The following CSMD1 variants were observed in gnomAD, a reference collection of about 807,000 sequenced individuals.
The protein encoded by CSMD1 is CUB and sushi domain-containing protein 1.
A neutral mutation model predicts 417.5 loss-of-function variants in CSMD1; 213 were observed. That is an observed-to-expected ratio of 0.51 (90% CI 0.46 to 0.57). The LOEUF (loss-of-function observed/expected upper bound fraction) is 0.57, where lower values mean the gene tolerates loss of function less well. Among genes scored for constraint, CSMD1 ranks in the 20% least tolerant of loss-of-function variants. CSMD1 has a pLI of 0.00. For missense variants in CSMD1, 6,923 were observed against 4,529.7 expected, an observed-to-expected ratio of 1.53 and a Z score of -15.17; for synonymous variants, 2,862 against 1,736.8, an observed-to-expected ratio of 1.65 and a Z score of -16.11.
chr8:3,964,782 A>G (rs939705315), intron 5 of CSMD1, among the ~76,000 whole-genome samples: 1 of 152,214 alleles, frequency 6.6e-6, no homozygotes, highest in African/African-American at 2.4e-5. Context: ...AATGTATCCA[A>G]CAATTATTTG....
At chr8:3,984,678 A>G (rs1446117274) in intron 5 of CSMD1, among the ~76,000 whole-genome samples, 1 of 139,658 alleles carries the variant, frequency 7.2e-6, no homozygotes. Flanking sequence ...AGAATGATTT[A>G]TGGGTTCAGG....
intron 41 of CSMD1, among the ~76,000 whole-genome samples, chr8:3,138,836 A>G (rs1249051226): frequency 6.6e-6 from 1 of 152,202 alleles, no homozygotes; most frequent in Non-Finnish European, 1.5e-5. Context: ...TAGATGTTGA[A>G]CGATTTCCTG....
At chr8:4,277,220 C>G (rs943207758) in intron 3 of CSMD1, among the ~76,000 whole-genome samples, 1 of 151,742 alleles carries the variant, frequency 6.6e-6, no homozygotes, top group African/African-American at 2.4e-5. Context: ...TATATATACA[C>G]ACAGACACAT....
intron 3 of CSMD1, among the ~76,000 whole-genome samples, chr8:4,384,751 C>T (rs185178268): frequency 2.6e-5 from 4 of 152,320 alleles, no homozygotes; most frequent in African/African-American, 7.2e-5. Context: ...TGCCACTTCA[C>T]ATCAGCAATT....
chr8:4,704,137 C>A (rs1165653870), intron 1 of CSMD1, among the ~76,000 whole-genome samples: 1 of 152,164 alleles, frequency 6.6e-6, no homozygotes, highest in Admixed American at 6.5e-5. Flanking sequence ...AGGTGGGGAC[C>A]CGTGATCTAG....
At chr8:3,367,907 C>G (rs889574123) in intron 19 of CSMD1, among the ~76,000 whole-genome samples, 1 of 152,100 alleles carries the variant, frequency 6.6e-6, no homozygotes, top group Non-Finnish European at 1.5e-5. Context: ...AAGGACCAGA[C>G]AAATTTTCAA....
rs753061316 is a variant in CSMD1 at position 2,978,632 on chromosome 8, C to T, written c.8546G>A (p.Arg2849Gln). 1.9e-5 allele frequency: 30 copies of T among 1,595,900 alleles called. No individual in the cohort carries two copies. The highest frequency in any genetic ancestry group is 1.8e-4 in the South Asian group (16 of 87,698). ...CTTACCCAAACACTTGGGCAGGGAT[C>T]GGTCCCATAAGCCATTTGCCATACA... ...LTCMANGLWDRSLPKCLAISC... is the reference protein window; with the variant it reads ...LTCMANGLWDQSLPKCLAISC... Residue 2849 changes from arginine (R) to glutamine (Q), a missense_variant, in exon 55 of 70, where the codon CGA becomes CAA. Arg to Gln is a conservative substitution (Grantham distance 43). Transcript: ENST00000635120.
intron 1 of CSMD1, among the ~76,000 whole-genome samples, chr8:4,740,513 T>C (rs866885374): frequency 3.9e-5 from 6 of 152,194 alleles, no homozygotes; most frequent in African/African-American, 1.2e-4. Flanking sequence ...AGAAATTTTC[T>C]TTCTGTCTTC....
chr8:4,518,680 C>CTG (rs1803259983), intron 2 of CSMD1, among the ~76,000 whole-genome samples: 3 of 151,096 alleles, frequency 2.0e-5, no homozygotes, highest in East Asian at 2.0e-4. Flanking sequence ...GACGAGTTAA[C>CTG]GGTGCAGCAC....
intron 5 of CSMD1, among the ~76,000 whole-genome samples, chr8:3,949,762 G>A (rs746700811): frequency 5.3e-5 from 8 of 152,204 alleles, no homozygotes; most frequent in Admixed American, 2.6e-4. Context: ...TCCAAGAAGC[G>A]CACAAGACAG....
At chr8:4,911,857 A>G (rs1805695613) in intron 1 of CSMD1, among the ~76,000 whole-genome samples, 1 of 152,132 alleles carries the variant, frequency 6.6e-6, no homozygotes, top group Non-Finnish European at 1.5e-5. Flanking sequence ...AATAAATTTG[A>G]CAATTCCTCT....
intron 5 of CSMD1, among the ~76,000 whole-genome samples, chr8:3,845,753 G>T (rs557546006): frequency 3.9e-5 from 6 of 151,952 alleles, no homozygotes; most frequent in Admixed American, 6.6e-5. Flanking sequence ...ATAACACATA[G>T]CTCAGAACAT....
intron 7 of CSMD1, among the ~76,000 whole-genome samples, chr8:3,699,552 C>G (rs896052676): frequency 4.6e-5 from 7 of 152,122 alleles, no homozygotes; most frequent in African/African-American, 1.7e-4. Flanking sequence ...CTATGGATTT[C>G]TATATTTTAT....
chr8:4,410,810 G>C (rs779080062), intron 3 of CSMD1, among the ~76,000 whole-genome samples: 5 of 152,142 alleles, frequency 3.3e-5, no homozygotes, highest in Non-Finnish European at 5.9e-5. Flanking sequence ...GCAATGGTTT[G>C]AATATGGTTT....
intron 1 of CSMD1, among the ~76,000 whole-genome samples, chr8:4,915,490 A>C (rs1001094252): frequency 6.6e-6 from 1 of 152,088 alleles, no homozygotes; most frequent in Non-Finnish European, 1.5e-5. Flanking sequence ...ACATATATTT[A>C]TTTTTCTTGG....
At chr8:3,917,827 C>T (rs185940234) in intron 5 of CSMD1, among the ~76,000 whole-genome samples, 3 of 151,790 alleles carry the variant, frequency 2.0e-5, no homozygotes, top group Non-Finnish European at 4.4e-5. Flanking sequence ...TGTGTGTATG[C>T]GGTAAAAGCA....
chr8:3,034,276 T>G (rs4385484), intron 50 of CSMD1, among the ~76,000 whole-genome samples: 35,868 of 152,178 alleles, frequency 0.24, 4,687 homozygotes, highest in East Asian at 0.33. Flanking sequence ...CTTTTTTAAC[T>G]GTTTTCCATA....
intron 5 of CSMD1, among the ~76,000 whole-genome samples, chr8:3,772,054 G>A (rs1798600844): frequency 6.6e-6 from 1 of 151,638 alleles, no homozygotes; most frequent in Non-Finnish European, 1.5e-5. Context: ...GCGAGCATCT[G>A]AGTCTGCCAT....
chr8:3,775,981 C>T (rs545841623), intron 5 of CSMD1, among the ~76,000 whole-genome samples: 13 of 152,320 alleles, frequency 8.5e-5, no homozygotes, highest in Non-Finnish European at 1.8e-4. Flanking sequence ...GCCCAGGCTT[C>T]CTCCTCAGAG....
Sources: gnomAD v4.1 joint callset for allele counts (sites outside exome capture counted in the v4.1 genomes callset) on GRCh38, gnomAD v4.1.1 for gene constraint, MANE v1.5 for transcripts, NCBI Gene and HGNC (gene_info 2026-07-23, HGNC 2026-07-21) for gene names.